NRG4: variants seen among roughly 807,000 people sequenced by gnomAD.
NRG4 encodes neuregulin 4, also known as pro-neuregulin-4, membrane-bound isoform.
NRG4 carries 10 observed loss-of-function variants against 15.0 expected under a neutral mutation model. That is an observed-to-expected ratio of 0.67 (90% CI 0.41 to 1.13). The LOEUF (loss-of-function observed/expected upper bound fraction) is 1.13, where lower values mean the gene tolerates loss of function less well. NRG4 is among the 50% of genes most tolerant of loss of function. NRG4 has a pLI of 0.00. For synonymous variants in NRG4, 41 were observed against 50.1 expected, an observed-to-expected ratio of 0.82 and a Z score of 0.77; for missense variants, 139 against 140.2, an observed-to-expected ratio of 0.99 and a Z score of 0.04.
intron 3 of NRG4, among the ~76,000 whole-genome samples, chr15:75,965,177 A>G (rs1358762992): frequency 6.6e-6 from 1 of 152,156 alleles, no homozygotes; most frequent in African/African-American, 2.4e-5. Flanking sequence ...GTGAGCCGAG[A>G]TCGGGCCACT....
intron 5 of NRG4, among the ~76,000 whole-genome samples, chr15:75,946,325 A>G (rs1436171364): frequency 6.6e-6 from 1 of 152,206 alleles, no homozygotes; most frequent in Non-Finnish European, 1.5e-5. Context: ...GTGTGCAACC[A>G]TCACACCATC....
chr15:75,946,580 C>T (rs1595939567), intron 5 of NRG4, among the ~76,000 whole-genome samples: 1 of 152,198 alleles, frequency 6.6e-6, no homozygotes, highest in South Asian at 2.1e-4. Context: ...AGGATGGTCT[C>T]GATCTCCTGA....
intron 3 of NRG4, among the ~76,000 whole-genome samples, chr15:75,989,465 C>T (rs946722413): frequency 6.6e-6 from 1 of 151,900 alleles, no homozygotes; most frequent in Non-Finnish European, 1.5e-5. Context: ...TCTGAGATAC[C>T]TTAACACATA....
chr15:75,952,120 T>C (rs533446549), intron 5 of NRG4, among the ~76,000 whole-genome samples: 27 of 152,356 alleles, frequency 1.8e-4, no homozygotes, highest in African/African-American at 6.3e-4. Flanking sequence ...CTCATTTAAA[T>C]TGTACAATTC....
At position 75,941,558 on chromosome 15, in the gene NRG4, G is replaced by T. The variant is rs570048076; in HGVS notation, c.*2080C>A. On this transcript the variant is annotated 3_prime_UTR_variant, in exon 6 of 6. Transcript: ENST00000394907. ...ACAGATGAATGGATAGACAAAATGT[G>T]TTATATCCATACAATGGAATATTAT... 3.3e-5 allele frequency: 5 copies of T among 152,254 alleles called. No homozygotes were observed. Among genetic ancestry groups the T allele is most frequent in the African/African-American group, 1.2e-4 (5 of 41,556 alleles). The allele number at this position is 152,254 out of a possible 1,614,324, so 9.4% of individuals were successfully genotyped here.
intron 3 of NRG4, among the ~76,000 whole-genome samples, chr15:75,995,710 G>A (rs1229701955): frequency 6.6e-6 from 1 of 152,246 alleles, no homozygotes; most frequent in Non-Finnish European, 1.5e-5. Flanking sequence ...CAATGGATCA[G>A]AGTAGAATAA....
At chr15:76,028,922 A>C (rs944318373) in intron 5 of NRG4, among the ~76,000 whole-genome samples, 2 of 151,690 alleles carry the variant, frequency 1.3e-5, no homozygotes, top group Admixed American at 6.6e-5. Flanking sequence ...AAAAAAAAAA[A>C]AAAAACTGTG....
Position 76,011,265 on chromosome 15 carries a change from G to GAGTA in NRG4, c.-39_-36dup. ...TAAATAGTTTCATTCTTGGTCAAGAGAGTAGGGTTGAAAAACAGTACCTAA... is the reference window on the plus strand; with the variant it reads ...TAAATAGTTTCATTCTTGGTCAAGAGAGTAAGTAGGGTTGAAAAACAGTACCTAA... On this transcript the variant is annotated 5_prime_UTR_variant, in exon 2 of 6. It introduces an in-frame stop codon into an upstream open reading frame of the 5' UTR. Transcript: ENST00000394907. 7.0e-7 allele frequency: 1 copy of GAGTA among 1,423,388 alleles called. No homozygotes were observed. Among genetic ancestry groups the GAGTA allele is most frequent in the Non-Finnish European group, 9.3e-7 (1 of 1,079,614 alleles). 88.2% of individuals were successfully genotyped at this position (1,423,388 alleles called of 1,614,324 possible).
chr15:75,986,609 A>G (rs2033809129), intron 3 of NRG4, among the ~76,000 whole-genome samples: 1 of 152,224 alleles, frequency 6.6e-6, no homozygotes, highest in Non-Finnish European at 1.5e-5. Context: ...ATATGCACAA[A>G]TATATGTTAG....
At chr15:76,010,337 A>G (rs556678601) in intron 2 of NRG4, among the ~76,000 whole-genome samples, 4 of 152,232 alleles carry the variant, frequency 2.6e-5, no homozygotes, top group Non-Finnish European at 5.9e-5. Context: ...AGAAAATGGC[A>G]TTACTCTCCC....
At position 75,945,278 on chromosome 15, in the gene NRG4, T is replaced by C. The variant is rs930970871; in HGVS notation, c.332-1624A>G. Among the ~76,000 whole-genome samples the C allele has an allele frequency of 3.8e-4, 58 of 151,850 alleles. 1 individual carries two copies. Among genetic ancestry groups the C allele is most frequent in the South Asian group, 1.5e-3 (7 of 4,806 alleles). ...TTTATCATTTATTTTTATTTTATTT[T>C]TTTTGTGGAATCTCACTTTGTCACC... is the stretch of plus-strand genomic sequence containing the variant. On this transcript the variant is annotated intron_variant, in intron 5 of 5. Transcript: ENST00000394907.
downstream of NRG4, chr15:75,935,591 T>C (rs1005024946): frequency 6.7e-6 from 1 of 149,954 alleles, no homozygotes; most frequent in Non-Finnish European, 1.5e-5. Context: ...TAGAAATAGA[T>C]CCACCCTTGC....
intron 5 of NRG4, among the ~76,000 whole-genome samples, chr15:76,026,246 C>T (rs1803992380): frequency 6.6e-6 from 1 of 152,128 alleles, no homozygotes; most frequent in Non-Finnish European, 1.5e-5. Context: ...ATGCACATTA[C>T]AGTCAAATTA....
rs151062790 is a variant in NRG4 at position 76,041,051 on chromosome 15, C to T, written c.-104-5060G>A. On this transcript the variant is annotated intron_variant, in intron 4 of 8. Coordinates refer to the NRG4 transcript ENST00000563910. ...AAAGTTTTTATTAGTTTTCTTTTTG[C>T]TTGTTAGTTTGTCTATGCAATCAGT... is the stretch of plus-strand genomic sequence containing the variant. Among the ~76,000 whole-genome samples, 535 of 152,184 alleles carry T rather than the reference C, an allele frequency of 3.5e-3. 4 individuals are homozygous for T. Among genetic ancestry groups the T allele is most frequent in the African/African-American group, 0.012 (493 of 41,530 alleles).
At chr15:76,056,511 C>A (rs1037428410) in intron 2 of NRG4, among the ~76,000 whole-genome samples, 1 of 151,664 alleles carries the variant, frequency 6.6e-6, no homozygotes, top group Non-Finnish European at 1.5e-5. Context: ...AAATAAAAAA[C>A]GACTTAGATA....
intron 4 of NRG4, among the ~76,000 whole-genome samples, chr15:76,036,500 C>T (rs2035600084): frequency 6.6e-6 from 1 of 152,124 alleles, no homozygotes; most frequent in Admixed American, 6.5e-5. Flanking sequence ...GCTCTGGAGC[C>T]AGAAGGCTAG....
At chr15:76,060,181 G>C (rs991525935), upstream of NRG4, among the ~76,000 whole-genome samples, 2 of 152,116 alleles carry the variant, frequency 1.3e-5, no homozygotes, top group East Asian at 3.9e-4. Context: ...GGGGGAGCCA[G>C]GCGAGGGTGC....
intron 3 of NRG4, among the ~76,000 whole-genome samples, chr15:75,999,688 G>A (rs551320663): frequency 1.3e-5 from 2 of 152,274 alleles, no homozygotes; most frequent in South Asian, 4.1e-4. Context: ...CAGACTAAGA[G>A]AGTAGCCATA....
chr15:75,977,391 C>T lies in NRG4; in HGVS notation c.105-15417G>A, dbSNP rs753026635. Among the ~76,000 whole-genome samples, 1 of 152,214 alleles carries T rather than the reference C, an allele frequency of 6.6e-6. No homozygotes were observed. The highest frequency in any genetic ancestry group is 1.5e-5 in the Non-Finnish European group (1 of 68,032). On this transcript the variant is annotated intron_variant, in intron 3 of 5. Coordinates refer to ENST00000394907, the MANE Select transcript of NRG4 (RefSeq NM_138573.4). The surrounding 1 kb of genome is among the most constrained non-coding windows in gnomAD (Gnocchi z 4.9). ...GTATGAAAAACCCCTGCAGCTAGCT[C>T]TGTGTCTGCCAAAATAACCACCCAG...
Sources: allele counts gnomAD v4.1 joint callset (sites outside exome capture counted in the v4.1 genomes callset), GRCh38; gene constraint gnomAD v4.1.1; non-coding constraint Gnocchi (gnomAD v3.1); transcripts MANE v1.5; gene names NCBI Gene and HGNC (gene_info 2026-07-23, HGNC 2026-07-21).